ITPR2: variants seen among roughly 807,000 people sequenced by gnomAD.
ITPR2 encodes the protein inositol 1,4,5-trisphosphate receptor type 2.
In ITPR2, 207 loss-of-function variants were observed where a neutral mutation model predicts 317.1. The observed-to-expected ratio is 0.65, with a 90% CI of 0.58 to 0.73. The LOEUF is 0.73. Among genes scored for constraint, ITPR2 ranks in the 30% least tolerant of loss-of-function variants. The pLI, the probability that ITPR2 is intolerant of heterozygous loss-of-function variation, is 0.00. For missense variants in ITPR2, 2,613 were observed against 3,284.0 expected (o/e 0.80, Z 4.99); for synonymous variants, 1,156 against 1,149.1 (o/e 1.01, Z -0.12).
intron 55 of ITPR2, among the ~76,000 whole-genome samples, chr12:26,358,104 C>CTTGTTTTCCCTTGA (rs1265218358): frequency 2.1e-5 from 1 of 47,812 alleles, no homozygotes; most frequent in African/African-American, 6.1e-5. Context: ...TAAAGTCGTT[C>CTTGTTTTCCCTTGA]GGCCGGGCGC....
chr12:26,486,251 T>G lies in ITPR2; in HGVS notation c.5664A>C (p.Glu1888Asp). Residue 1888 changes from glutamate to aspartate, a missense_variant, in exon 41 of 57, where the codon GAA becomes GAC. This residue lies in a region of ITPR2 where 926 missense variants were observed against 1,072.8 expected (regional missense o/e 0.86). Transcript: ENST00000381340. ...YCVYRREMDPEIDIMCTGPEA... is the reference protein window; with the variant it reads ...YCVYRREMDPDIDIMCTGPEA... ...CTGGTCCTGTGCACATAATGTCTAT[T>G]TCTGGATCCATTTCTCTTCTGTATA... 2 of 1,614,218 alleles carry G rather than the reference T, an allele frequency of 1.2e-6. No individual in the cohort carries two copies. Among genetic ancestry groups the G allele is most frequent in the South Asian group, 2.2e-5 (2 of 91,086 alleles).
intron 9 of ITPR2, among the ~76,000 whole-genome samples, chr12:26,700,959 T>A (rs1411785343): frequency 6.6e-6 from 1 of 152,210 alleles, no homozygotes; most frequent in Non-Finnish European, 1.5e-5. Flanking sequence ...AGGAAACAAT[T>A]AAATTTTAGA....
At chr12:26,825,692 A>T (rs1305549159) in intron 1 of ITPR2, among the ~76,000 whole-genome samples, 1 of 152,224 alleles carries the variant, frequency 6.6e-6, no homozygotes, top group South Asian at 2.1e-4. Context: ...GGGGGCTGAA[A>T]AGCTGTTATG....
In ITPR2 at chr12:26,811,361, A is replaced by G. The variant is rs141445574; in HGVS notation, c.93-21134T>C. On this transcript the variant is annotated intron_variant, in intron 1 of 56. Transcript: ENST00000381340. ...CCTGGTGGCTCATGCCTGTAATCCC[A>G]GCACTTTGGGAGGCTGAGGCAGGCG... is the stretch of plus-strand genomic sequence containing the variant. 5.9e-3 allele frequency among the ~76,000 whole-genome samples: 895 copies of G among 152,350 alleles called. 9 individuals carry two copies. The highest frequency in any genetic ancestry group is 0.02 in the African/African-American group (834 of 41,588).
chr12:26,630,342 C>G (rs1946718858), intron 22 of ITPR2, among the ~76,000 whole-genome samples: 1 of 146,120 alleles, frequency 6.8e-6, no homozygotes, highest in South Asian at 2.2e-4. Context: ...AGGATAAAAA[C>G]AAAGGCAGAG....
intron 50 of ITPR2, 71 bp downstream of exon 50, chr12:26,418,974 CAAAG>C: frequency 8.0e-7 from 1 of 1,248,712 alleles, no homozygotes; most frequent in Non-Finnish European, 1.1e-6. Context: ...AAAAAAAAAT[CAAAG>C]GAAGAGGCAT....
chr12:26,556,560 T>TGTG (rs1555155115), intron 35 of ITPR2, among the ~76,000 whole-genome samples, 185 bp from the exon 36 acceptor site: 6 of 64,958 alleles, frequency 9.2e-5, no homozygotes, highest in African/African-American at 2.9e-4. Context: ...GTCTCTATTT[T>TGTG]TTTTTTTGTG....
intron 1 of ITPR2, among the ~76,000 whole-genome samples, chr12:26,794,196 G>A (rs536637242): frequency 7.2e-5 from 11 of 152,230 alleles, no homozygotes; most frequent in Admixed American, 1.3e-4. Context: ...TTATACATAA[G>A]TATGAATTTT....
intron 26 of ITPR2, among the ~76,000 whole-genome samples, chr12:26,606,611 A>T (rs1463602338): frequency 6.6e-6 from 1 of 151,672 alleles, no homozygotes; most frequent in Non-Finnish European, 1.5e-5. Context: ...TAAGAAAGTA[A>T]TATTATATGA....
rs1555121665 is a variant in ITPR2, at chr12:26,414,050, T to TATACACAC, written c.7306+1252_7306+1253insGTGTGTAT. On this transcript the variant is annotated intron_variant, in intron 51 of 56. Coordinates refer to ENST00000381340, the MANE Select transcript of ITPR2 (RefSeq NM_002223.4). ...AGCAGATAGTCTACATGTATATATG[T>TATACACAC]ACACACACACACACACACACACACA... Among the ~76,000 whole-genome samples, 10 of 138,208 alleles carry TATACACAC rather than the reference T, an allele frequency of 7.2e-5. No homozygotes were observed. In the East Asian group the frequency reaches 1.9e-3, roughly 27 times the overall value. The allele number at this position is 138,208 out of a possible 152,430, so 90.7% of individuals were successfully genotyped here.
intron 43 of ITPR2, among the ~76,000 whole-genome samples, chr12:26,479,663 G>A (rs11048545): frequency 0.14 from 21,041 of 152,122 alleles, 2,067 homozygotes; most frequent in East Asian, 0.27. Flanking sequence ...AATGAATCGA[G>A]GGGCACAAGT....
intron 41 of ITPR2, among the ~76,000 whole-genome samples, chr12:26,484,179 A>G (rs532071476): frequency 4.6e-5 from 7 of 151,198 alleles, no homozygotes; most frequent in Non-Finnish European, 7.4e-5. Flanking sequence ...ATATGTGTAT[A>G]TATATATCAA....
chr12:26,348,560 A>T (rs1018908820), intron 55 of ITPR2, among the ~76,000 whole-genome samples: 2 of 152,238 alleles, frequency 1.3e-5, no homozygotes, highest in Non-Finnish European at 2.9e-5. Flanking sequence ...CAACAAAACA[A>T]CTGGTTCTCA....
chr12:26,638,540 T>C (rs892601712), intron 21 of ITPR2, among the ~76,000 whole-genome samples: 2 of 152,194 alleles, frequency 1.3e-5, no homozygotes, highest in African/African-American at 4.8e-5. Context: ...GACACATGTA[T>C]TGGCTAATGT....
At chr12:26,737,637 T>G (rs116581950) in intron 2 of ITPR2, among the ~76,000 whole-genome samples, 189 of 152,248 alleles carry the variant, frequency 1.2e-3, no homozygotes, top group African/African-American at 4.5e-3. Context: ...CATAAAAAGC[T>G]CAGACACCTC....
Position 26,812,510 on chromosome 12 carries a change from C to T in ITPR2, c.92+20180G>A, listed in dbSNP as rs1183206059. Among the ~76,000 whole-genome samples the T allele has an allele frequency of 5.3e-5, 8 of 152,058 alleles. No homozygotes were observed. In the East Asian group the frequency reaches 7.7e-4, roughly 15 times the overall value. On this transcript the variant is annotated intron_variant, in intron 1 of 56. Coordinates refer to ENST00000381340, the MANE Select transcript of ITPR2 (RefSeq NM_002223.4). Reference sequence around the variant, plus strand: ...AGGAGAATGGCGTGAACCCGTGAGGCGGAGCTTGCAGTGAGCTGAGATTGC... The same window carrying T: ...AGGAGAATGGCGTGAACCCGTGAGGTGGAGCTTGCAGTGAGCTGAGATTGC...
At chr12:26,399,249 C>A (rs1029984978) in intron 53 of ITPR2, among the ~76,000 whole-genome samples, 1 of 152,222 alleles carries the variant, frequency 6.6e-6, no homozygotes, top group Admixed American at 6.5e-5. Context: ...TTCTCTAGGA[C>A]TGACACATGT....
chr12:26,608,016 G>C (rs1039713568), intron 26 of ITPR2, among the ~76,000 whole-genome samples: 1 of 152,314 alleles, frequency 6.6e-6, no homozygotes, highest in South Asian at 2.1e-4. Context: ...GGCTACTCGG[G>C]AGGCTGAGGC....
At chr12:26,750,631 C>A (rs1949397356) in intron 2 of ITPR2, among the ~76,000 whole-genome samples, 2 of 152,200 alleles carry the variant, frequency 1.3e-5, no homozygotes, top group Admixed American at 1.3e-4. Flanking sequence ...TTGCTCCAGG[C>A]AAAATGGGTC....
Sources: allele counts gnomAD v4.1 joint callset (sites outside exome capture counted in the v4.1 genomes callset), GRCh38; gene constraint gnomAD v4.1.1; regional missense constraint gnomAD v4.1.1; transcripts MANE v1.5; gene names NCBI Gene and HGNC (gene_info 2026-07-23, HGNC 2026-07-21).